Variants in TBC1D21 observed in about 807,000 individuals in gnomAD.
TBC1D21 encodes the protein male germ cell Rab GTPase-activating protein.
In TBC1D21, 38 loss-of-function variants were observed where a neutral mutation model predicts 46.0. That is an observed-to-expected ratio of 0.83 (90% CI 0.64 to 1.08). TBC1D21 has a LOEUF of 1.08. TBC1D21 is among the 50% of genes least tolerant of loss of function. The pLI is 0.00. For synonymous variants in TBC1D21, 151 were observed against 157.2 expected (o/e 0.96, Z 0.29); for missense variants, 415 against 417.9 (o/e 0.99, Z 0.06).
the TBC1D21 span, among the ~76,000 whole-genome samples, chr15:73,901,809 C>CT: frequency 4.8e-4 from 72 of 151,424 alleles, no homozygotes; most frequent in Non-Finnish European, 8.6e-4. Flanking sequence ...CTCAAGATCC[C>CT]TTTTTTTTTG....
Position 73,873,584 on chromosome 15 carries a change from T to G in TBC1D21, c.-126T>G. On this transcript the variant is annotated 5_prime_UTR_variant, in exon 1 of 11. Coordinates refer to ENST00000300504, the MANE Select transcript of TBC1D21 (RefSeq NM_153356.3). ...GTGACACACTGCTGGCCGGCTCTGT[T>G]CAAGTGTGGGAGGTCAGGAGCAGCC... The G allele has an allele frequency of 1.0e-6, 1 of 990,460 alleles. No homozygotes were observed. 61.4% of individuals were successfully genotyped at this position (990,460 alleles called of 1,614,324 possible). A position where few individuals can be genotyped will look rare whatever the true frequency, so the allele number is the denominator to read the frequency against.
chr15:73,895,499 C>T, the TBC1D21 span, among the ~76,000 whole-genome samples: 5 of 152,048 alleles, frequency 3.3e-5, no homozygotes, highest in African/African-American at 7.3e-5. Context: ...TATTCTGAGC[C>T]GGCACATAAA....
chr15:73,890,561 C>T (rs907139753), downstream of TBC1D21, among the ~76,000 whole-genome samples: 1 of 152,200 alleles, frequency 6.6e-6, no homozygotes, highest in African/African-American at 2.4e-5. Flanking sequence ...AGGCAGAGAA[C>T]AAGAGTAAAA....
chr15:73,874,647 G>T (rs2068025883), intron 1 of TBC1D21, among the ~76,000 whole-genome samples: 1 of 152,162 alleles, frequency 6.6e-6, no homozygotes, highest in Non-Finnish European at 1.5e-5. Context: ...TATTCTCAAA[G>T]TGTGGCATCC....
Position 73,887,741 on chromosome 15 carries a change from G to A in TBC1D21, c.894+5G>A, listed in dbSNP as rs1444903671. ...GGCGGGGATGACATCCTCCTGGTGAGAGCACCCTCGGGCAAGCTACCACCC... is the reference window on the plus strand; with the variant it reads ...GGCGGGGATGACATCCTCCTGGTGAAAGCACCCTCGGGCAAGCTACCACCC... On this transcript the variant is annotated splice_donor_5th_base_variant and intron_variant, in intron 9 of 10. Transcript: ENST00000300504. The A allele has an allele frequency of 6.2e-7, 1 of 1,611,782 alleles. No individual in the cohort carries two copies. Among genetic ancestry groups the A allele is most frequent in the South Asian group, 1.1e-5 (1 of 91,006 alleles).
the TBC1D21 span, among the ~76,000 whole-genome samples, chr15:73,896,898 G>A: frequency 1.3e-5 from 2 of 152,238 alleles, no homozygotes; most frequent in East Asian, 1.9e-4. Context: ...TGGCTGACTA[G>A]TGGTGCATGT....
In TBC1D21 at chr15:73,888,318, C is replaced by T; in HGVS notation, c.895-112C>T. On this transcript the variant is annotated intron_variant, in intron 9 of 10. Coordinates refer to ENST00000300504, the MANE Select transcript of TBC1D21 (RefSeq NM_153356.3). The stretch of plus-strand genomic sequence containing the variant: ...GAGGTCAGGTGGTCCCCAGCGACTG[C>T]TGTGAGCAGCATCCTTCTTCCCTGG... 4.7e-6 allele frequency: 4 copies of T among 859,812 alleles called. No individual in the cohort carries two copies. The South Asian group carries it at 4.7e-5, about 10-fold the overall frequency. 53.3% of individuals were successfully genotyped at this position (859,812 alleles called of 1,614,324 possible). A position where few individuals can be genotyped will look rare whatever the true frequency, so the allele number is the denominator to read the frequency against.
the TBC1D21 span, chr15:73,909,960 A>G: frequency 1.1e-4 from 17 of 152,272 alleles, no homozygotes; most frequent in Admixed American, 1.0e-3. Flanking sequence ...TGCTGGCTCA[A>G]TTATTGGGCT....
chr15:73,894,991 G>A, the TBC1D21 span, among the ~76,000 whole-genome samples: 1 of 152,238 alleles, frequency 6.6e-6, no homozygotes, highest in Non-Finnish European at 1.5e-5. Flanking sequence ...GCTGGTGGCA[G>A]GCACGGGAGG....
chr15:73,899,200 A>C, the TBC1D21 span, among the ~76,000 whole-genome samples: 2,447 of 152,134 alleles, frequency 0.016, 56 homozygotes, highest in African/African-American at 0.056. Context: ...GATGAGCTTC[A>C]GTTTCTCTAC....
chr15:73,896,550 A>T, the TBC1D21 span, among the ~76,000 whole-genome samples: 1 of 151,718 alleles, frequency 6.6e-6, no homozygotes, highest in African/African-American at 2.4e-5. Context: ...AGTTCTCAAA[A>T]CTCCTAGCTC....
At chr15:73,884,919 C>T (rs1201715391) in intron 5 of TBC1D21, 28 bp downstream of exon 5, 4 of 1,610,392 alleles carry the variant, frequency 2.5e-6, no homozygotes, top group East Asian at 4.5e-5. Context: ...CTTGTCAATG[C>T]CCTCCCAGGA....
the TBC1D21 span, among the ~76,000 whole-genome samples, chr15:73,903,978 G>A: frequency 6.6e-6 from 1 of 152,166 alleles, no homozygotes; most frequent in African/African-American, 2.4e-5. Context: ...AACCTGGGAG[G>A]TGGAGGTTGC....
downstream of TBC1D21, among the ~76,000 whole-genome samples, chr15:73,889,666 C>G (rs1359743860): frequency 6.6e-6 from 1 of 152,246 alleles, no homozygotes; most frequent in Non-Finnish European, 1.5e-5. Context: ...ATCTGATGAG[C>G]AGGCAATTCC....
At chr15:73,886,392 C>A in intron 7 of TBC1D21, 120 bp from the exon 8 acceptor site, 1 of 981,766 alleles carries the variant, frequency 1.0e-6, no homozygotes, top group Non-Finnish European at 1.6e-6. Flanking sequence ...GGAAAAGGGG[C>A]GGCAGGCTTT....
intron 1 of TBC1D21, among the ~76,000 whole-genome samples, chr15:73,879,154 T>C (rs1424810790): frequency 2.0e-5 from 3 of 152,262 alleles, no homozygotes; most frequent in Admixed American, 6.5e-5. Context: ...TATCCCAATT[T>C]GGAGCCTGTA....
chr15:73,895,712 C>G, the TBC1D21 span, among the ~76,000 whole-genome samples: 5 of 152,198 alleles, frequency 3.3e-5, no homozygotes, highest in Admixed American at 1.3e-4. Flanking sequence ...GCAGCTGTCT[C>G]TTTACGTACG....
downstream of TBC1D21, among the ~76,000 whole-genome samples, chr15:73,890,973 G>C (rs1406069080): frequency 6.6e-6 from 1 of 152,124 alleles, no homozygotes; most frequent in Admixed American, 6.5e-5. Context: ...TAGGTCTTAA[G>C]GACGAGGTGG....
rs181222070 is a variant in TBC1D21, at chr15:73,879,357, C to G, written c.61-2042C>G. On this transcript the variant is annotated intron_variant, in intron 1 of 10. Transcript: ENST00000300504. ...TGAGTAGCTGGGATTACAGGCACCC[C>G]GCCACCACACCCAGCTAATTTTTGT... Among the ~76,000 whole-genome samples, 655 of 152,098 alleles carry G rather than the reference C, an allele frequency of 4.3e-3. 5 individuals carry two copies. Among genetic ancestry groups the G allele is most frequent in the South Asian group, 0.032 (154 of 4,810 alleles).
Sources: gnomAD v4.1 joint callset for allele counts (sites outside exome capture counted in the v4.1 genomes callset) on GRCh38, gnomAD v4.1.1 for gene constraint, MANE v1.5 for transcripts, NCBI Gene and HGNC (gene_info 2026-07-23, HGNC 2026-07-21) for gene names.